The following UFSP2 variants were observed in gnomAD, a reference collection of about 807,000 sequenced individuals.
UFSP2 encodes the protein ufm1-specific protease 2.
Under a neutral mutation model 60.2 loss-of-function variants are expected in UFSP2, and 43 were observed. The ratio of observed to expected loss-of-function variants is 0.71; its 90% CI spans 0.56 to 0.92. The LOEUF is 0.92. UFSP2 is among the 40% of genes least tolerant of loss of function. The probability of loss-of-function intolerance (pLI) is 0.00; values close to 1 mark genes in which losing one functional copy is unlikely to be tolerated. For missense variants in UFSP2, 520 were observed against 575.0 expected (o/e 0.90, Z 0.98); for synonymous variants, 183 against 195.1 (o/e 0.94, Z 0.52).
At position 185,405,781 on chromosome 4, in the gene UFSP2, G is replaced by A. The variant is rs201706642; in HGVS notation, c.1197C>T (p.Ile399=). Residue 399 remains isoleucine, a splice_region_variant and synonymous_variant, in exon 10 of 12, where the codon ATC becomes ATT. Transcript: ENST00000264689. ...AAAACAGTGTCTGAAACAGCTTACC[G>A]ATCATAACTGGAGTTCCTTCACTTT... ...HFQSEGTPVM[I]GGGVLAHTIL... 1.1e-5 allele frequency: 18 copies of A among 1,613,784 alleles called. No homozygotes were observed. The highest frequency in any genetic ancestry group is 1.0e-4 in the Admixed American group (6 of 59,980).
intron 5 of UFSP2, 48 bp from the exon 6 acceptor site, chr4:185,415,395 C>A: frequency 1.4e-6 from 2 of 1,449,124 alleles, no homozygotes; most frequent in East Asian, 2.4e-5. Flanking sequence ...ATAGTGACTA[C>A]AATAAAGAAA....
At chr4:185,409,008 T>TA (rs2095524811) in intron 7 of UFSP2, among the ~76,000 whole-genome samples, 1 of 152,188 alleles carries the variant, frequency 6.6e-6, no homozygotes, top group Admixed American at 6.5e-5. Context: ...TCTGCCTACT[T>TA]ACACTAATAT....
intron 10 of UFSP2, 54 bp from the exon 11 acceptor site, chr4:185,403,672 C>A: frequency 6.3e-7 from 1 of 1,586,644 alleles, no homozygotes; most frequent in East Asian, 2.2e-5. Context: ...ATGTCAAATG[C>A]CTATTCAATT....
chr4:185,399,721 CAGA>C lies in UFSP2; in HGVS notation c.*668_*670del. ...GAATGATTGTGTTGCCGTGCTCAGACAGAAACGGAGTCTCGGAAGTGTAGAAAA... is the reference window on the plus strand; with the variant it reads ...GAATGATTGTGTTGCCGTGCTCAGACAACGGAGTCTCGGAAGTGTAGAAAA... On this transcript the variant is annotated 3_prime_UTR_variant, in exon 12 of 12. Coordinates refer to ENST00000264689, the MANE Select transcript of UFSP2 (RefSeq NM_018359.5). The C allele has an allele frequency of 6.2e-7, 1 of 1,614,126 alleles. No individual in the cohort carries two copies. Among genetic ancestry groups the C allele is most frequent in the Non-Finnish European group, 8.5e-7 (1 of 1,180,018 alleles).
chr4:185,419,469 C>T (rs2095545607), intron 2 of UFSP2, among the ~76,000 whole-genome samples: 1 of 152,206 alleles, frequency 6.6e-6, no homozygotes, highest in Non-Finnish European at 1.5e-5. Flanking sequence ...TACCCCATGG[C>T]CTGGTGGGGG....
At chr4:185,419,911 A>G (rs111826502) in intron 2 of UFSP2, among the ~76,000 whole-genome samples, 23 of 152,316 alleles carry the variant, frequency 1.5e-4, no homozygotes, top group South Asian at 2.1e-4. Context: ...TGTGTTTTCA[A>G]TTCTCTTGGG....
At chr4:185,408,222 G>A (rs1176626736) in intron 8 of UFSP2, 49 bp downstream of exon 8, 2 of 1,587,736 alleles carry the variant, frequency 1.3e-6, no homozygotes, top group African/African-American at 1.3e-5. Context: ...TATATTAAGG[G>A]CTAATGAAAC....
chr4:185,421,334 G>C (rs559288821), intron 2 of UFSP2, among the ~76,000 whole-genome samples: 1 of 152,312 alleles, frequency 6.6e-6, no homozygotes, highest in Admixed American at 6.5e-5. Flanking sequence ...ATATAGTTTT[G>C]ATGTCTGTCC....
Position 185,403,622 on chromosome 4 carries a change from T to C in UFSP2, c.1199-4A>G, listed in dbSNP as rs2126877382. 6.3e-7 allele frequency: 1 copy of C among 1,597,390 alleles called. No individual in the cohort carries two copies. The highest frequency in any genetic ancestry group is 8.5e-7 in the Non-Finnish European group (1 of 1,175,908). On this transcript the variant is annotated splice_polypyrimidine_tract_variant and splice_region_variant and intron_variant, in intron 10 of 11. Transcript: ENST00000264689. ...GTGTGGGCCAAAACTCCTCCCCCTA[T>C]AGAAGAAAAAATAGGAAATACGAAT... is the stretch of plus-strand genomic sequence containing the variant.
At position 185,407,956 on chromosome 4, in the gene UFSP2, C is replaced by T. The variant is rs755002032; in HGVS notation, c.1101G>A (p.Thr367=). 16 of 1,613,886 alleles carry T rather than the reference C, an allele frequency of 9.9e-6. No homozygotes were observed. The highest frequency in any genetic ancestry group is 8.3e-5 in the Admixed American group (5 of 59,990). The change falls in exon 9 of 12, where the codon ACG becomes ACA. Residue 367 remains threonine (T), a synonymous_variant. Transcript: ENST00000264689. ...QLVLNQLIGI[T]SKILFVSQGS... ...CTTACCTGACAAACAGGATTTTTGA[C>T]GTTATACCGATCAATTGGTTTAGTA...
At chr4:185,417,273 C>T (rs1430269603) in intron 4 of UFSP2, among the ~76,000 whole-genome samples, 3 of 152,162 alleles carry the variant, frequency 2.0e-5, no homozygotes, top group Non-Finnish European at 4.4e-5. Flanking sequence ...CTCACCTGTA[C>T]CCCTCAAAAT....
At chr4:185,416,259 T>C (rs1580071699) in intron 4 of UFSP2, among the ~76,000 whole-genome samples, 1 of 152,228 alleles carries the variant, frequency 6.6e-6, no homozygotes, top group East Asian at 1.9e-4. Flanking sequence ...AAGCCACGCA[T>C]AGGTTCACTG....
intron 8 of UFSP2, 23 bp downstream of exon 8, chr4:185,408,248 A>C (rs377315295): frequency 6.2e-7 from 1 of 1,609,764 alleles, no homozygotes; most frequent in Non-Finnish European, 8.5e-7. Flanking sequence ...GTTGATTATA[A>C]TTTAAAACGG....
At position 185,419,550 on chromosome 4, in the gene UFSP2, A is replaced by C. The variant is rs563255070; in HGVS notation, c.83-780T>G. On this transcript the variant is annotated intron_variant, in intron 2 of 11. Transcript: ENST00000264689. ...CTAACTATATGATCTCACAGTTTTT[A>C]TCTCTCATCCAGCTTCCTTTGCAAA... Among the ~76,000 whole-genome samples the C allele has an allele frequency of 3.9e-5, 6 of 152,328 alleles. No individual in the cohort carries two copies. The South Asian group carries it at 6.2e-4, about 16-fold the overall frequency.
At chr4:185,405,656 A>C in intron 10 of UFSP2, 124 bp downstream of exon 10, 1 of 999,010 alleles carries the variant, frequency 1.0e-6, no homozygotes, top group South Asian at 1.6e-5. Context: ...ATCCATACAT[A>C]TGGTGTAAAA....
At chr4:185,401,543 TC>T (rs1179825796) in intron 11 of UFSP2, among the ~76,000 whole-genome samples, 7 of 152,178 alleles carry the variant, frequency 4.6e-5, no homozygotes, top group African/African-American at 1.7e-4. Flanking sequence ...CATGCTTCTT[TC>T]CTGTGAGATG....
intron 7 of UFSP2, among the ~76,000 whole-genome samples, chr4:185,411,267 C>T (rs2095528912): frequency 6.6e-6 from 1 of 151,702 alleles, no homozygotes; most frequent in South Asian, 2.1e-4. Flanking sequence ...AAATTGGTTA[C>T]TAAAAATCTT....
In UFSP2 at chr4:185,402,626, C is replaced by T. The variant is rs548873103; in HGVS notation, c.1323+868G>A. On this transcript the variant is annotated intron_variant, in intron 11 of 11. Coordinates refer to ENST00000264689, the MANE Select transcript of UFSP2 (RefSeq NM_018359.5). ...AAATAGCCAAGATTATAGGCGCCCA[C>T]CACCACACCTGGCTTATTTTTGCAT... Among the ~76,000 whole-genome samples the T allele has an allele frequency of 3.9e-5, 6 of 152,228 alleles. No individual in the cohort carries two copies. In the East Asian group the frequency reaches 9.7e-4, roughly 25 times the overall value.
At chr4:185,405,457 C>T (rs908401897) in intron 10 of UFSP2, among the ~76,000 whole-genome samples, 1 of 152,162 alleles carries the variant, frequency 6.6e-6, no homozygotes, top group Non-Finnish European at 1.5e-5. Flanking sequence ...TCTCACAAAG[C>T]CAGCCCAGTT....
Sources: allele counts gnomAD v4.1 joint callset (sites outside exome capture counted in the v4.1 genomes callset), GRCh38; gene constraint gnomAD v4.1.1; transcripts MANE v1.5; gene names NCBI Gene and HGNC (gene_info 2026-07-23, HGNC 2026-07-21).